TULP4: variants seen among roughly 807,000 people sequenced by gnomAD.
The protein encoded by TULP4 is TUB like protein 4.
Under a neutral mutation model 129.0 loss-of-function variants are expected in TULP4, and 16 were observed. The ratio of observed to expected loss-of-function variants is 0.12; its 90% confidence interval spans 0.08 to 0.19. TULP4 has a LOEUF of 0.19. TULP4 is among the 10% of genes least tolerant of loss of function. TULP4 has a pLI of 1.00. For synonymous variants in TULP4, 998 were observed against 854.0 expected (o/e 1.17, Z -2.94); for missense variants, 1,842 against 2,059.1 (o/e 0.89, Z 2.04).
chr6:158,242,732 G>A, intron 1 of TULP4: 1 of 495,152 alleles, frequency 2.0e-6, no homozygotes, highest in Non-Finnish European at 3.8e-6. Flanking sequence ...TGACAGGCTT[G>A]AGAGCACACA....
intron 3 of TULP4, among the ~76,000 whole-genome samples, chr6:158,435,551 C>G (rs1778731779): frequency 6.6e-6 from 1 of 152,136 alleles, no homozygotes; most frequent in Admixed American, 6.5e-5. Flanking sequence ...ACTCGGTCCC[C>G]CTTCCTAGGT....
intron 6 of TULP4, among the ~76,000 whole-genome samples, chr6:158,476,335 GGATTT>G (rs1562582517): frequency 6.6e-6 from 1 of 152,028 alleles, no homozygotes; most frequent in African/African-American, 2.4e-5. Context: ...TTAGAAGAGG[GGATTT>G]CCTGGTAACG....
intron 11 of TULP4, among the ~76,000 whole-genome samples, chr6:158,496,531 T>C (rs924337200): frequency 1.3e-5 from 2 of 152,204 alleles, no homozygotes; most frequent in Non-Finnish European, 2.9e-5. Context: ...ATAATGCAAA[T>C]AAATCTCTCA....
At chr6:158,428,454 C>T (rs1477408421) in intron 2 of TULP4, 1 of 152,126 alleles carries the variant, frequency 6.6e-6, no homozygotes, top group Admixed American at 6.5e-5. Flanking sequence ...GACAATACCT[C>T]TAAATTGGAC....
At chr6:158,331,789 A>T (rs1208699631) in intron 1 of TULP4, among the ~76,000 whole-genome samples, 1 of 128,112 alleles carries the variant, frequency 7.8e-6, no homozygotes, top group Non-Finnish European at 1.6e-5. Context: ...ACACACACAC[A>T]TACCTACATA....
At chr6:158,490,168 C>T (rs1330072270) in intron 9 of TULP4, among the ~76,000 whole-genome samples, 1 of 152,156 alleles carries the variant, frequency 6.6e-6, no homozygotes, top group Admixed American at 6.5e-5. Flanking sequence ...GCGGCCGAGG[C>T]GGGTGGATCA....
chr6:158,500,596 G>A (rs1290478889), intron 12 of TULP4, among the ~76,000 whole-genome samples: 1 of 152,234 alleles, frequency 6.6e-6, no homozygotes, highest in African/African-American at 2.4e-5. Flanking sequence ...GCCAACTGCA[G>A]AGTGCTCAGT....
At chr6:158,433,205 ACT>A (rs1258624742) in intron 3 of TULP4, among the ~76,000 whole-genome samples, 3 of 151,888 alleles carry the variant, frequency 2.0e-5, no homozygotes, top group Non-Finnish European at 4.4e-5. Context: ...CTGTCCCCAC[ACT>A]CTAGATTTGT....
At chr6:158,311,994 T>C (rs1437816436), upstream of TULP4, 1 of 397,068 alleles carries the variant, frequency 2.5e-6, no homozygotes, top group Non-Finnish European at 4.4e-6. Flanking sequence ...CTTAAAACCT[T>C]TATTTTCCAG....
intron 1 of TULP4, among the ~76,000 whole-genome samples, chr6:158,269,409 C>T (rs1426734193): frequency 1.3e-5 from 2 of 150,816 alleles, no homozygotes; most frequent in Non-Finnish European, 3.0e-5. Flanking sequence ...AAGGATTTTC[C>T]TGTCTCACTG....
At chr6:158,283,095 C>T (rs932388119) in intron 1 of TULP4, among the ~76,000 whole-genome samples, 3 of 150,752 alleles carry the variant, frequency 2.0e-5, no homozygotes, top group Non-Finnish European at 4.4e-5. Context: ...GCTGACATCC[C>T]ACCACTGCAC....
At chr6:158,498,645 T>C (rs750136346) in intron 11 of TULP4, 24 bp from the exon 12 acceptor site, 2 of 1,614,104 alleles carry the variant, frequency 1.2e-6, no homozygotes, top group Non-Finnish European at 1.7e-6. Flanking sequence ...CTCTGTTAAC[T>C]GTGCCCTTCT....
intron 1 of TULP4, among the ~76,000 whole-genome samples, chr6:158,302,578 C>T (rs1779150145): frequency 6.6e-6 from 1 of 152,166 alleles, no homozygotes. Context: ...TCCAGTTTTT[C>T]TTGAGAGAGC....
At chr6:158,311,232 T>C (rs1345290440), upstream of TULP4, among the ~76,000 whole-genome samples, 1 of 152,186 alleles carries the variant, frequency 6.6e-6, no homozygotes, top group Non-Finnish European at 1.5e-5. Context: ...TGCGAACACC[T>C]GGGCCCTTCC....
In TULP4 at chr6:158,481,190, G is replaced by A; in HGVS notation, c.1387G>A (p.Glu463Lys). The change falls in exon 8 of 14, where the codon GAG becomes AAG. Residue 463 changes from glutamate to lysine, a missense_variant. This residue lies in a region of TULP4 where 456 missense variants were observed against 534.3 expected (regional missense o/e 0.85). Transcript: ENST00000367097. ...VGGPCYTLYL[E>K]YLGGLVPILK... is the part of the protein sequence containing the mutation. The stretch of plus-strand genomic sequence containing the variant: ...CGGCCCGTGCTACACGCTCTACCTG[G>A]AGTACCTGGGCGGGCTTGTGCCCAT... 6.2e-7 allele frequency: 1 copy of A among 1,614,236 alleles called. No individual in the cohort carries two copies. Among genetic ancestry groups the A allele is most frequent in the Non-Finnish European group, 8.5e-7 (1 of 1,180,034 alleles).
At chr6:158,258,041 T>C (rs1460797102) in intron 1 of TULP4, among the ~76,000 whole-genome samples, 2 of 152,236 alleles carry the variant, frequency 1.3e-5, no homozygotes, top group Non-Finnish European at 2.9e-5. Flanking sequence ...GTCAACCACC[T>C]GTAGGTTTCT....
intron 1 of TULP4, among the ~76,000 whole-genome samples, chr6:158,270,071 T>C (rs539411718): frequency 6.6e-6 from 1 of 152,250 alleles, no homozygotes; most frequent in African/African-American, 2.4e-5. Context: ...CTATTAAATA[T>C]ACGTTAATTC....
In TULP4 at chr6:158,506,708, GGGA is replaced by G. The variant is rs1212593523; in HGVS notation, c.*19_*21del. 1 of 1,555,896 alleles carries G rather than the reference GGGA, an allele frequency of 6.4e-7. No individual in the cohort carries two copies. Among genetic ancestry groups the G allele is most frequent in the Non-Finnish European group, 8.9e-7 (1 of 1,127,432 alleles). On this transcript the variant is annotated 3_prime_UTR_variant, in exon 14 of 14. Transcript: ENST00000367097. ...CGCCTCAAATGAAGAGACTGGTGTG[GGGA>G]GGAGAGAGATGCAGAGAGCCTTTGG...
chr6:158,470,122 T>C (rs1779645634), intron 6 of TULP4, among the ~76,000 whole-genome samples: 1 of 152,276 alleles, frequency 6.6e-6, no homozygotes, highest in Middle Eastern at 3.4e-3. Context: ...CACTTAGCCG[T>C]GCAGGAACAA....
Sources: gnomAD v4.1 joint callset for allele counts (sites outside exome capture counted in the v4.1 genomes callset) on GRCh38, gnomAD v4.1.1 for gene constraint, gnomAD v4.1.1 regional missense constraint, MANE v1.5 for transcripts, NCBI Gene and HGNC (gene_info 2026-07-23, HGNC 2026-07-21) for gene names.